Variants in MAP3K12 observed in about 807,000 individuals in gnomAD.
MAP3K12 encodes the protein mitogen-activated protein kinase kinase kinase 12.
MAP3K12 carries 14 observed loss-of-function variants against 87.5 expected under a neutral mutation model. The observed-to-expected ratio is 0.16, with a 90% CI of 0.11 to 0.25. MAP3K12 has a LOEUF of 0.25. Among genes scored for constraint, MAP3K12 ranks in the 10% least tolerant of loss-of-function variants. The pLI, the probability that MAP3K12 is intolerant of heterozygous loss-of-function variation, is 1.00. For synonymous variants in MAP3K12, 469 were observed against 452.5 expected (o/e 1.04, Z -0.46); for missense variants, 802 against 1,140.4 (o/e 0.70, Z 4.27).
chr12:53,500,910 T>G (rs1943672004), upstream of MAP3K12: 1 of 158,536 alleles, frequency 6.3e-6, no homozygotes, highest in Admixed American at 6.4e-5. Context: ...TTCTCGTGCG[T>G]GCTTGACCCT....
chr12:53,485,500 G>A (rs764841616), intron 4 of MAP3K12, 25 bp from the exon 5 acceptor site: 72 of 1,607,938 alleles, frequency 4.5e-5, no homozygotes, highest in Middle Eastern at 1.7e-4. Context: ...AGTCAGCTGG[G>A]GTCCACACCC....
chr12:53,500,647 G>A (rs1565896221), upstream of MAP3K12: 2 of 152,430 alleles, frequency 1.3e-5, no homozygotes, highest in Non-Finnish European at 2.9e-5. Context: ...ACTTAAACCT[G>A]CACCAGCTCC....
intron 13 of MAP3K12, 81 bp downstream of exon 13, chr12:53,481,860 C>T: frequency 6.5e-7 from 1 of 1,530,168 alleles, no homozygotes; most frequent in Non-Finnish European, 8.9e-7. Context: ...GCAGCTGTCT[C>T]CCCAAAAGCT....
chr12:53,483,025 G>T lies in MAP3K12; in HGVS notation c.1778C>A (p.Pro593His). ...ASAKGSCGDL[P>H]GLRTAVPPHE... ...GGGTGGCACAGCTGTACGAAGCCCA[G>T]GCAGGTCCCCACAGCTCCCCTTGGC... Residue 593 changes from proline (P) to histidine (H), a missense_variant, in exon 11 of 14, where the codon CCT becomes CAT. By Grantham distance (77) the Pro-to-His change is moderately conservative. Around this residue, in one of 5 missense-constraint regions of MAP3K12, gnomAD observed 490 missense variants for 496.6 expected, o/e 0.99. Coordinates refer to ENST00000547488, the MANE Select transcript of MAP3K12 (RefSeq NM_001193511.2). The T allele has an allele frequency of 6.4e-7, 1 of 1,558,092 alleles. No homozygotes were observed. Among genetic ancestry groups the T allele is most frequent in the Admixed American group, 2.0e-5 (1 of 50,638 alleles).
intron 1 of MAP3K12, among the ~76,000 whole-genome samples, chr12:53,488,206 A>G (rs1943289706): frequency 6.6e-6 from 1 of 152,206 alleles, no homozygotes; most frequent in African/African-American, 2.4e-5. Context: ...ACAGAAGGCC[A>G]CTGCTTCATC....
At chr12:53,487,623 T>C in intron 1 of MAP3K12, 195 bp from the exon 2 acceptor site, 1 of 542,970 alleles carries the variant, frequency 1.8e-6, no homozygotes, top group Non-Finnish European at 3.2e-6. Flanking sequence ...CACTTGGGCT[T>C]CCTCTCAGGC....
intron 1 of MAP3K12, among the ~76,000 whole-genome samples, chr12:53,491,403 T>C (rs1274980590): frequency 2.0e-5 from 3 of 151,858 alleles, no homozygotes; most frequent in African/African-American, 7.3e-5. Flanking sequence ...AAGCTGGGCA[T>C]TATTAGCCCC....
At chr12:53,487,822 C>T (rs1174644129) in intron 1 of MAP3K12, 2 of 175,648 alleles carry the variant, frequency 1.1e-5, no homozygotes, top group African/African-American at 4.8e-5. Context: ...CCGAGACTCA[C>T]AGGCACACAC....
Position 53,486,121 on chromosome 12 carries a change from G to T in MAP3K12, c.756C>A (p.Gly252=), listed in dbSNP as rs1219667445. The change falls in exon 4 of 14, where the codon GGC becomes GGA. Residue 252 remains glycine (G), a synonymous_variant. Coordinates refer to ENST00000547488, the MANE Select transcript of MAP3K12 (RefSeq NM_001193511.2). This position sits in a 1 kb window ranked among gnomAD's most constrained non-coding sequence, Gnocchi z 4.9. The part of the protein sequence containing the change: ...TPSLLVDWSM[G]IAGGMNYLHL... ...GCAGGTAGTTCATGCCACCAGCGATGCCCATGGACCAGTCAACCAGTAAGG... is the reference window on the plus strand; with the variant it reads ...GCAGGTAGTTCATGCCACCAGCGATTCCCATGGACCAGTCAACCAGTAAGG... The T allele has an allele frequency of 6.2e-7, 1 of 1,614,136 alleles. No homozygotes were observed. Among genetic ancestry groups the T allele is most frequent in the Admixed American group, 1.7e-5 (1 of 60,016 alleles).
chr12:53,483,268 G>A, intron 10 of MAP3K12, 79 bp from the exon 11 acceptor site: 1 of 1,575,236 alleles, frequency 6.3e-7, no homozygotes. Flanking sequence ...GGACACTAAA[G>A]TACACATCTC....
At chr12:53,484,946 C>A in intron 6 of MAP3K12, 110 bp downstream of exon 6, 1 of 1,379,606 alleles carries the variant, frequency 7.2e-7, no homozygotes, top group South Asian at 1.3e-5. Flanking sequence ...AGATGAAAGT[C>A]AGTCTCTTTG....
rs1257516603 is a variant in MAP3K12 at position 53,484,326 on chromosome 12, G to T, written c.1179C>A (p.Ile393=). The T allele has an allele frequency of 6.2e-7, 1 of 1,614,236 alleles. No homozygotes were observed. Residue 393 remains isoleucine, a synonymous_variant, in exon 7 of 14, where the codon ATC becomes ATA. Coordinates refer to ENST00000547488, the MANE Select transcript of MAP3K12 (RefSeq NM_001193511.2). ...KPRNRPSFRQ[I]LLHLDIASAD... ...CTGAGGCAATGTCCAGATGCAGCAG[G>T]ATCTGTCGGAATGATGGGCGATTTC...
intron 4 of MAP3K12, 140 bp downstream of exon 4, chr12:53,485,916 T>A: frequency 1.3e-6 from 1 of 746,060 alleles, no homozygotes. Context: ...ACAGCCCTTC[T>A]GAGATGGGAC....
rs180963876 is a variant in MAP3K12, at chr12:53,482,553, C to T, written c.2238+12G>A. The T allele has an allele frequency of 5.2e-4, 831 of 1,600,462 alleles. 3 individuals are homozygous for T. The highest frequency in any genetic ancestry group is 2.7e-3 in the African/African-American group (202 of 74,456). On this transcript the variant is annotated intron_variant, in intron 11 of 13. Coordinates refer to ENST00000547488, the MANE Select transcript of MAP3K12 (RefSeq NM_001193511.2). ...AAAAGGGAAAGAGCTTGGGAGCCTT[C>T]CCATACTTTACCTGACTTCGGGTGA... is the stretch of plus-strand genomic sequence containing the variant.
rs760019924 is a variant in MAP3K12 at position 53,482,894 on chromosome 12, G to A, written c.1909C>T (p.Arg637Cys). Residue 637 changes from arginine to cysteine, a missense_variant, in exon 11 of 14, where the codon CGC (arginine) becomes TGC (cysteine). Coordinates refer to ENST00000547488, the MANE Select transcript of MAP3K12 (RefSeq NM_001193511.2). The part of the protein sequence containing the change: ...LRGLHHDLLL[R>C]KMSSSSPDLL... ...TCTGGGGACGATGAAGACATTTTGC[G>A]GAGCAGGAGGTCATGATGAAGCCCA... 41 of 1,611,490 alleles carry A rather than the reference G, an allele frequency of 2.5e-5. No individual in the cohort carries two copies. The Admixed American group carries it at 2.8e-4, about 11-fold the overall frequency.
chr12:53,479,903 T>TG lies in MAP3K12; in HGVS notation c.*1278dup, dbSNP rs1321398484. The TG allele has an allele frequency of 6.6e-6, 1 of 152,606 alleles. No individual in the cohort carries two copies. The highest frequency in any genetic ancestry group is 2.4e-5 in the African/African-American group (1 of 41,426). The allele number at this position is 152,606 out of a possible 1,614,324, so 9.5% of individuals were successfully genotyped here. The stretch of plus-strand genomic sequence containing the variant: ...CTTTTATCCCTCAAAGGACCCTTCT[T>TG]GGGTTTTGAATGGAAGCCTTTATTC... On this transcript the variant is annotated 3_prime_UTR_variant, in exon 14 of 14. Coordinates refer to ENST00000547488, the MANE Select transcript of MAP3K12 (RefSeq NM_001193511.2).
chr12:53,482,496 G>A (rs1943090367), intron 11 of MAP3K12, 69 bp downstream of exon 11: 1 of 1,602,758 alleles, frequency 6.2e-7, no homozygotes, highest in East Asian at 2.2e-5. Context: ...ATAATGTGGG[G>A]GATTAGACTT....
intron 1 of MAP3K12, among the ~76,000 whole-genome samples, chr12:53,492,043 C>G (rs1202713167): frequency 1.4e-5 from 2 of 147,330 alleles, no homozygotes; most frequent in African/African-American, 5.0e-5. Flanking sequence ...CCACTGCACT[C>G]TAGCCTGGGT....
rs1943240195 is a variant in MAP3K12 at position 53,486,868 on chromosome 12, G to T, written c.445+79C>A. 1 of 1,576,638 alleles carries T rather than the reference G, an allele frequency of 6.3e-7. No individual in the cohort carries two copies. On this transcript the variant is annotated intron_variant, in intron 2 of 13. Transcript: ENST00000547488. The surrounding 1 kb of genome is among the most constrained non-coding windows in gnomAD (Gnocchi z 4.9). ...GGCCATGGGGAGGGAAGGGACCATT[G>T]CGTGACTTTAGCGGAGCTGACCAAC... is the stretch of plus-strand genomic sequence containing the variant.
Sources: gnomAD v4.1 joint callset for allele counts (sites outside exome capture counted in the v4.1 genomes callset) on GRCh38, gnomAD v4.1.1 for gene constraint, gnomAD v4.1.1 regional missense constraint, Gnocchi (gnomAD v3.1) non-coding constraint, MANE v1.5 for transcripts, NCBI Gene and HGNC (gene_info 2026-07-23, HGNC 2026-07-21) for gene names.